The following KMT2C variants were observed in gnomAD, a reference collection of about 807,000 sequenced individuals.
KMT2C encodes the protein histone-lysine N-methyltransferase 2C.
In KMT2C, 88 loss-of-function variants were observed where a neutral mutation model predicts 507.9. That is an observed-to-expected ratio of 0.17 (90% CI 0.15 to 0.21). The LOEUF (loss-of-function observed/expected upper bound fraction) is 0.21, where lower values mean the gene tolerates loss of function less well. KMT2C is among the 10% of genes least tolerant of loss of function. KMT2C has a pLI of 1.00. For synonymous variants in KMT2C, 2,049 were observed against 2,080.8 expected, an observed-to-expected ratio of 0.98 and a Z score of 0.42; for missense variants, 4,954 against 5,957.8, an observed-to-expected ratio of 0.83 and a Z score of 5.55.
intron 2 of KMT2C, among the ~76,000 whole-genome samples, chr7:152,342,627 C>A (rs772739582): frequency 4.1e-4 from 62 of 152,212 alleles, no homozygotes; most frequent in South Asian, 8.3e-4. Flanking sequence ...AAAACCTGAA[C>A]CATAATTGAC....
At chr7:152,217,643 G>A (rs2094618715) in intron 23 of KMT2C, among the ~76,000 whole-genome samples, 2 of 151,764 alleles carry the variant, frequency 1.3e-5, no homozygotes, top group Admixed American at 1.3e-4. Flanking sequence ...AATTCAGATG[G>A]GCTATTTTAT....
At chr7:152,219,610 AAAATATAATC>A (rs1240461548) in intron 23 of KMT2C, among the ~76,000 whole-genome samples, 5 of 152,126 alleles carry the variant, frequency 3.3e-5, no homozygotes, top group Non-Finnish European at 4.4e-5. Context: ...ACTATGAAAT[AAAATATAATC>A]AAACAAATAA....
intron 33 of KMT2C, 113 bp from the exon 34 acceptor site, chr7:152,185,744 T>A: frequency 3.7e-6 from 3 of 800,692 alleles, no homozygotes; most frequent in Non-Finnish European, 6.4e-6. Context: ...CGTATTCTCA[T>A]GAGGTCATAG....
intron 6 of KMT2C, among the ~76,000 whole-genome samples, chr7:152,304,311 T>A (rs1474332765): frequency 2.6e-5 from 4 of 152,180 alleles, no homozygotes; most frequent in African/African-American, 7.2e-5. Context: ...CAACCGAAAT[T>A]ATCAAAATTT....
chr7:152,167,852 T>C (rs967810133), intron 41 of KMT2C, among the ~76,000 whole-genome samples: 2 of 152,152 alleles, frequency 1.3e-5, no homozygotes, highest in African/African-American at 4.8e-5. Context: ...TTCCTATTTC[T>C]TAATAATGAA....
intron 1 of KMT2C, among the ~76,000 whole-genome samples, chr7:152,380,215 G>A (rs2097361081): frequency 6.7e-6 from 1 of 148,776 alleles, no homozygotes; most frequent in South Asian, 2.1e-4. Flanking sequence ...ACTCCAGGAT[G>A]GGCAACAGAG....
At chr7:152,290,258 G>GTGTGTGTGTGTA (rs1337492088) in intron 6 of KMT2C, among the ~76,000 whole-genome samples, 1 of 26,242 alleles carries the variant, frequency 3.8e-5, no homozygotes, top group African/African-American at 1.4e-4. Flanking sequence ...GTGTGTATGT[G>GTGTGTGTGTGTA]TATATATATA....
intron 12 of KMT2C, 83 bp from the exon 13 acceptor site, chr7:152,250,036 T>C: frequency 1.3e-6 from 1 of 774,816 alleles, no homozygotes; most frequent in Non-Finnish European, 2.2e-6. Flanking sequence ...GAGTAAAGAG[T>C]TTTATTCTAC....
At chr7:152,212,744 A>C (rs1234266727) in intron 23 of KMT2C, among the ~76,000 whole-genome samples, 1 of 152,276 alleles carries the variant, frequency 6.6e-6, no homozygotes, top group Non-Finnish European at 1.5e-5. Context: ...TTGACAAAAG[A>C]AACTAAAGAC....
intron 6 of KMT2C, among the ~76,000 whole-genome samples, chr7:152,290,252 G>GTGTGTT: frequency 1.7e-5 from 1 of 57,944 alleles, no homozygotes; most frequent in African/African-American, 8.5e-5. Context: ...GTGTGTGTGT[G>GTGTGTT]TATGTGTATA....
intron 1 of KMT2C, among the ~76,000 whole-genome samples, chr7:152,431,381 G>C (rs961372249): frequency 4.6e-5 from 7 of 152,022 alleles, no homozygotes; most frequent in African/African-American, 1.7e-4. Context: ...GGCAGATCAT[G>C]AGGTCAAGAG....
intron 9 of KMT2C, among the ~76,000 whole-genome samples, chr7:152,257,213 C>T (rs933436625): frequency 5.9e-5 from 9 of 152,146 alleles, no homozygotes; most frequent in African/African-American, 2.2e-4. Flanking sequence ...GCCTAACTTG[C>T]CTGGAAGTGA....
At chr7:152,257,510 A>G (rs2095680219) in intron 9 of KMT2C, among the ~76,000 whole-genome samples, 1 of 152,182 alleles carries the variant, frequency 6.6e-6, no homozygotes, top group Non-Finnish European at 1.5e-5. Flanking sequence ...TAAGAAAAGA[A>G]AGGGGAATAA....
Position 152,177,584 on chromosome 7 carries a change from T to A in KMT2C, c.7869A>T (p.Pro2623=), listed in dbSNP as rs1187767283. 6.2e-7 allele frequency: 1 copy of A among 1,614,182 alleles called. No homozygotes were observed. ...QGLPNQLPVH[P]DLEQVPPSQQ... ...GAGATGGTGGCACTTGTTCCAAATC[T>A]GGGTGCACAGGTAGCTGATTAGGTA... Residue 2623 remains proline, a synonymous_variant, in exon 38 of 59, where the codon CCA becomes CCT. Transcript: ENST00000262189.
At chr7:152,243,546 A>G (rs1588525775) in intron 14 of KMT2C, among the ~76,000 whole-genome samples, 1 of 152,058 alleles carries the variant, frequency 6.6e-6, no homozygotes, top group Non-Finnish European at 1.5e-5. Context: ...CTTTGGGAGG[A>G]CAAGGCGGGT....
chr7:152,407,888 T>G (rs2097636048), intron 1 of KMT2C, among the ~76,000 whole-genome samples: 1 of 152,250 alleles, frequency 6.6e-6, no homozygotes, highest in Admixed American at 6.5e-5. Flanking sequence ...ACATATACTA[T>G]TAGTTACATT....
rs1252183858 is a variant in KMT2C at position 152,163,529 on chromosome 7, TAGG to T, written c.10045_10047del (p.Pro3349del). ...AACTGGGCAATTGGGGGCTGAATTC[TAGG>T]AGGATTGAGGGGCAGGTGGGCAGGA... is the stretch of plus-strand genomic sequence containing the variant. On this transcript the variant is annotated inframe_deletion, in exon 43 of 59. Transcript: ENST00000262189. 6.2e-7 allele frequency: 1 copy of T among 1,612,448 alleles called. No homozygotes were observed. Among genetic ancestry groups the T allele is most frequent in the South Asian group, 1.1e-5 (1 of 90,946 alleles).
chr7:152,248,728 T>C, intron 13 of KMT2C, 108 bp from the exon 14 acceptor site: 3 of 645,480 alleles, frequency 4.6e-6, no homozygotes, highest in Non-Finnish European at 5.3e-6. Flanking sequence ...TCAGAAGGTA[T>C]TCATCAAAGC....
At chr7:152,384,201 T>C (rs1379916988) in intron 1 of KMT2C, among the ~76,000 whole-genome samples, 2 of 152,250 alleles carry the variant, frequency 1.3e-5, no homozygotes, top group South Asian at 2.1e-4. Flanking sequence ...GTTTGTTCCT[T>C]ACATCATTCA....
Sources: gnomAD v4.1 joint callset for allele counts (sites outside exome capture counted in the v4.1 genomes callset) on GRCh38, gnomAD v4.1.1 for gene constraint, MANE v1.5 for transcripts, NCBI Gene and HGNC (gene_info 2026-07-23, HGNC 2026-07-21) for gene names.